ADK: variants seen among roughly 807,000 people sequenced by gnomAD.
ADK encodes adenosine kinase.
In ADK, 24 loss-of-function variants were observed where a neutral mutation model predicts 44.7. That is an observed-to-expected ratio of 0.54 (90% confidence interval 0.39 to 0.76). The LOEUF (loss-of-function observed/expected upper bound fraction) is 0.76. Ranked by LOEUF, ADK falls within the 30% of genes least tolerant of loss-of-function variation. The probability of loss-of-function intolerance (pLI) is 0.00; values close to 1 mark genes in which losing one functional copy is unlikely to be tolerated. For missense variants in ADK, 321 were observed against 425.1 expected (o/e 0.76, Z 2.15); for synonymous variants, 128 against 142.6 (o/e 0.90, Z 0.73).
Position 74,345,273 on chromosome 10 carries a change from G to A in ADK, c.273+30528G>A, listed in dbSNP as rs75239803. Among the ~76,000 whole-genome samples the A allele has an allele frequency of 3.2e-3, 471 of 148,980 alleles. 9 individuals are homozygous for A. In the East Asian group the frequency reaches 0.046, roughly 15 times the overall value. ...TTTCTGACATTAATATAGCCACTTT[G>A]TCTTTCTTGTGGGTGTTGTTTGCAT... is the stretch of plus-strand genomic sequence containing the variant. On this transcript the variant is annotated intron_variant, in intron 4 of 10. Transcript: ENST00000539909.
At chr10:74,313,305 A>C (rs2126765) in intron 3 of ADK, among the ~76,000 whole-genome samples, 97,794 of 151,782 alleles carry the variant, frequency 0.64, 32,840 homozygotes, top group Middle Eastern at 0.79. Flanking sequence ...CTTTTAACCT[A>C]ATTCCATCTT....
intron 7 of ADK, among the ~76,000 whole-genome samples, chr10:74,536,656 C>A (rs1329152238): frequency 6.6e-6 from 1 of 151,338 alleles, no homozygotes; most frequent in Non-Finnish European, 1.5e-5. Context: ...AACAATAACT[C>A]ACTATTTCCT....
chr10:74,705,406 TAGAC>T (rs1458244954), intron 10 of ADK, among the ~76,000 whole-genome samples: 20 of 152,362 alleles, frequency 1.3e-4, no homozygotes, highest in African/African-American at 4.8e-4. Flanking sequence ...TGTGGCATAA[TAGAC>T]ATACAATAAA....
At chr10:74,247,634 A>G (rs1845472904) in intron 3 of ADK, among the ~76,000 whole-genome samples, 1 of 152,174 alleles carries the variant, frequency 6.6e-6, no homozygotes, top group Non-Finnish European at 1.5e-5. Flanking sequence ...AACTTTATTA[A>G]GTACATGAGT....
intron 7 of ADK, among the ~76,000 whole-genome samples, chr10:74,553,866 A>G (rs976534660): frequency 6.6e-6 from 1 of 152,252 alleles, no homozygotes; most frequent in Non-Finnish European, 1.5e-5. Context: ...TCAACCCAAC[A>G]TCTCTACTAA....
At chr10:74,603,108 A>AG (rs1487140926) in intron 9 of ADK, among the ~76,000 whole-genome samples, 1 of 152,158 alleles carries the variant, frequency 6.6e-6, no homozygotes, top group African/African-American at 2.4e-5. Context: ...AATATGGATC[A>AG]GCTTTTTCCC....
At chr10:74,428,016 G>T (rs368072572) in intron 6 of ADK, among the ~76,000 whole-genome samples, 4 of 152,156 alleles carry the variant, frequency 2.6e-5, no homozygotes, top group East Asian at 1.9e-4. Flanking sequence ...GCTTCTGGTG[G>T]TTGTGCATAA....
intron 4 of ADK, among the ~76,000 whole-genome samples, chr10:74,339,436 A>C (rs988989567): frequency 1.3e-5 from 2 of 152,254 alleles, no homozygotes; most frequent in East Asian, 3.8e-4. Flanking sequence ...TGACATAAAC[A>C]TACAGATTCC....
intron 6 of ADK, among the ~76,000 whole-genome samples, chr10:74,442,967 C>T (rs1845476705): frequency 6.6e-6 from 1 of 151,992 alleles, no homozygotes. Context: ...AAAAGTCAAC[C>T]TCATAGAAAC....
At chr10:74,383,414 C>CTCTGTCTCTG (rs1564689625) in intron 4 of ADK, among the ~76,000 whole-genome samples, 6 of 57,000 alleles carry the variant, frequency 1.1e-4, no homozygotes, top group East Asian at 3.4e-4. Flanking sequence ...CTCTGTCTCT[C>CTCTGTCTCTG]TCTCTCTCTC....
chr10:74,431,751 A>ATCAG (rs1301702880), intron 6 of ADK, among the ~76,000 whole-genome samples: 1 of 151,274 alleles, frequency 6.6e-6, no homozygotes, highest in Non-Finnish European at 1.5e-5. Context: ...CAATCAATCA[A>ATCAG]TCAATCAATC....
At chr10:74,634,576 ATT>A (rs1238631772) in intron 9 of ADK, among the ~76,000 whole-genome samples, 2 of 152,128 alleles carry the variant, frequency 1.3e-5, no homozygotes, top group African/African-American at 4.8e-5. Flanking sequence ...TCTTTCAGTA[ATT>A]TAAATATGAC....
chr10:74,229,483 C>T (rs970900708), intron 3 of ADK, among the ~76,000 whole-genome samples: 5 of 150,514 alleles, frequency 3.3e-5, no homozygotes, highest in African/African-American at 1.2e-4. Context: ...CTGCAAGCTC[C>T]GCCTCCTGGG....
intron 6 of ADK, among the ~76,000 whole-genome samples, chr10:74,466,422 A>G (rs1254797175): frequency 1.3e-5 from 2 of 152,162 alleles, no homozygotes; most frequent in Non-Finnish European, 1.5e-5. Flanking sequence ...CTACTTACCT[A>G]TCCTACCTCT....
chr10:74,230,401 A>G (rs1326575534), intron 3 of ADK, among the ~76,000 whole-genome samples: 1 of 152,056 alleles, frequency 6.6e-6, no homozygotes, highest in Non-Finnish European at 1.5e-5. Context: ...ACAGTACTAG[A>G]CCAGAAACCA....
intron 7 of ADK, among the ~76,000 whole-genome samples, chr10:74,534,181 C>A (rs1040183372): frequency 6.6e-6 from 1 of 152,116 alleles, no homozygotes; most frequent in Non-Finnish European, 1.5e-5. Context: ...GATGTGTTCC[C>A]ATTGAGGTTG....
rs1029813303 is a variant in ADK at position 74,195,711 on chromosome 10, T to C, written c.66-5053T>C. On this transcript the variant is annotated intron_variant, in intron 1 of 10. Coordinates refer to ENST00000539909, the MANE Select transcript of ADK (RefSeq NM_006721.4). ...TTCTTTCTTTTTCTTTTCTTTCTTT[T>C]TTTTTTTTTTTTTTTTGAGGTAGTA... 4.4e-4 allele frequency among the ~76,000 whole-genome samples: 58 copies of C among 131,676 alleles called. 1 individual carries two copies. Among genetic ancestry groups the C allele is most frequent in the South Asian group, 1.4e-3 (6 of 4,306 alleles). The allele number at this position is 131,676 out of a possible 152,430, so 86.4% of individuals were successfully genotyped here.
intron 4 of ADK, among the ~76,000 whole-genome samples, chr10:74,357,460 ATTTTT>A (rs536915870): frequency 0.011 from 1,472 of 134,552 alleles, 6 homozygotes; most frequent in Middle Eastern, 0.03. Context: ...ATACCCAGTG[ATTTTT>A]TTTTTTTTTT....
At chr10:74,670,942 G>A (rs1456810608) in intron 10 of ADK, among the ~76,000 whole-genome samples, 2 of 147,702 alleles carry the variant, frequency 1.4e-5, no homozygotes, top group Admixed American at 1.4e-4. Flanking sequence ...CTAGTTTATA[G>A]TCTCTAGAAA....
Sources: allele counts gnomAD v4.1 joint callset (sites outside exome capture counted in the v4.1 genomes callset), GRCh38; gene constraint gnomAD v4.1.1; transcripts MANE v1.5; gene names NCBI Gene and HGNC (gene_info 2026-07-23, HGNC 2026-07-21).